Variants in DGKK observed in about 807,000 individuals in gnomAD.
DGKK encodes the protein diacylglycerol kinase kappa.
In DGKK, 35 loss-of-function variants were observed where a neutral mutation model predicts 92.2. That is an observed-to-expected ratio of 0.38 (90% CI 0.29 to 0.50). The LOEUF is 0.50. Ranked by LOEUF, DGKK falls within the 20% of genes least tolerant of loss-of-function variation. DGKK has a pLI of 0.92. For synonymous variants in DGKK, 368 were observed against 360.6 expected, an observed-to-expected ratio of 1.02 and a Z score of -0.23; for missense variants, 910 against 992.2, an observed-to-expected ratio of 0.92 and a Z score of 1.11.
intron 1 of DGKK, among the ~76,000 whole-genome samples, chrX:50,428,994 G>A (rs1569544832): frequency 8.9e-6 from 1 of 111,844 alleles, no homozygotes; most frequent in Non-Finnish European, 1.9e-5. Flanking sequence ...CTACTAAACT[G>A]AACAAGGTCC....
chrX:50,391,159 C>A (rs185273222), intron 11 of DGKK, among the ~76,000 whole-genome samples: 1 of 110,674 alleles, frequency 9.0e-6, no homozygotes, highest in East Asian at 2.9e-4. Flanking sequence ...ATTCTGTTGC[C>A]CAGACTGGAA....
intron 8 of DGKK, among the ~76,000 whole-genome samples, chrX:50,399,152 A>T (rs1924930165): frequency 8.9e-6 from 1 of 111,794 alleles, no homozygotes; most frequent in Admixed American, 9.5e-5. Flanking sequence ...GCCTGCAGAA[A>T]CCTGTATGAA....
In DGKK at chrX:50,424,216, A is replaced by G. The variant is rs782408241; in HGVS notation, c.756+32T>C. The G allele has an allele frequency of 1.9e-4, 227 of 1,169,980 alleles. 4 individuals carry two copies. The South Asian group carries it at 4.2e-3, about 21-fold the overall frequency. ...CACAAAGGTTTCCTGGCACCCACCCATTAATCTAGTTGACAATATGCTATA... is the reference window on the plus strand; with the variant it reads ...CACAAAGGTTTCCTGGCACCCACCCGTTAATCTAGTTGACAATATGCTATA... On this transcript the variant is annotated intron_variant, in intron 2 of 27. Transcript: ENST00000611977.
intron 8 of DGKK, among the ~76,000 whole-genome samples, chrX:50,396,045 A>G (rs1924843152): frequency 8.9e-6 from 1 of 112,183 alleles, no homozygotes; most frequent in Non-Finnish European, 1.9e-5. Context: ...TGCAATAGCA[A>G]AAGACTGAAA....
rs1557229020 is a variant in DGKK at position 50,420,499 on chromosome X, T to G, written c.846A>C (p.Thr282=). 10 of 1,207,355 alleles carry G rather than the reference T, an allele frequency of 8.3e-6. No individual in the cohort carries two copies. Among genetic ancestry groups the G allele is most frequent in the Non-Finnish European group, 7.8e-6 (7 of 893,709 alleles). ...CAGCCAGAGTGATTTTTCGTTGTGG[T>G]GTAATAACCTAAACAAAAAGCCACA... ...RNLCHSFCVI[T]PQRKITLAAP... Residue 282 remains threonine, a synonymous_variant, in exon 4 of 28, where the codon ACA becomes ACC. Coordinates refer to ENST00000611977, the MANE Select transcript of DGKK (RefSeq NM_001013742.4).
intron 18 of DGKK, among the ~76,000 whole-genome samples, chrX:50,381,476 T>TA (rs1269869249): frequency 9.1e-6 from 1 of 109,876 alleles, no homozygotes; most frequent in Admixed American, 9.7e-5. Context: ...TCCAAGAAAA[T>TA]AAAAAAAATA....
chrX:50,452,076 T>C (rs1484591244), intron 1 of DGKK, among the ~76,000 whole-genome samples: 2 of 111,916 alleles, frequency 1.8e-5, no homozygotes, highest in African/African-American at 6.5e-5. Context: ...CATTTGATCC[T>C]TAGAAAAACC....
intron 14 of DGKK, among the ~76,000 whole-genome samples, chrX:50,386,928 T>G (rs782449731): frequency 9.0e-6 from 1 of 111,515 alleles, no homozygotes; most frequent in African/African-American, 3.3e-5. Flanking sequence ...ATTTCTGGAT[T>G]TTCATGGGCA....
chrX:50,443,864 C>A (rs1264529433), intron 1 of DGKK, among the ~76,000 whole-genome samples: 1 of 110,336 alleles, frequency 9.1e-6, no homozygotes, highest in Admixed American at 9.7e-5. Context: ...CTCCTTCTGC[C>A]CCCTCCCATC....
intron 12 of DGKK, 44 bp downstream of exon 12, chrX:50,390,284 A>G: frequency 8.7e-7 from 1 of 1,143,722 alleles, no homozygotes; most frequent in Non-Finnish European, 1.2e-6. Context: ...TATTTCACTG[A>G]GTAATAAAGA....
chrX:50,377,907 C>T (rs782594772), intron 22 of DGKK, among the ~76,000 whole-genome samples, 191 bp downstream of exon 22: 17 of 111,128 alleles, frequency 1.5e-4, no homozygotes, highest in Non-Finnish European at 2.6e-4. Flanking sequence ...GGGAACTATG[C>T]AACCCTATGT....
chrX:50,396,840 C>T (rs1557226166), intron 8 of DGKK, among the ~76,000 whole-genome samples: 1 of 112,194 alleles, frequency 8.9e-6, no homozygotes, highest in Admixed American at 9.4e-5. Flanking sequence ...CACAAGATTG[C>T]TTTTGAATAG....
rs1557223053 is a variant in DGKK at position 50,370,565 on chromosome X, A to G, written c.3613-16T>C. 8.4e-7 allele frequency: 1 copy of G among 1,190,014 alleles called. No individual in the cohort carries two copies. Among genetic ancestry groups the G allele is most frequent in the East Asian group, 3.0e-5 (1 of 33,218 alleles). ...AAGATTTTTCCTGAGAAACCACAAG[A>G]GGAAGGTCAAAATGTTAGTTGCCTA... On this transcript the variant is annotated splice_polypyrimidine_tract_variant and intron_variant, in intron 26 of 27. Transcript: ENST00000611977.
At chrX:50,457,116 A>C (rs2050817078) in intron 1 of DGKK, among the ~76,000 whole-genome samples, 2 of 112,006 alleles carry the variant, frequency 1.8e-5, no homozygotes, top group African/African-American at 6.5e-5. Context: ...CCACGGAGCA[A>C]AGATTTTTGT....
In DGKK at chrX:50,391,789, C is replaced by T. The variant is rs185029996; in HGVS notation, c.1705-213G>A. Among the ~76,000 whole-genome samples, 16 of 111,943 alleles carry T rather than the reference C, an allele frequency of 1.4e-4. No homozygotes were observed. The East Asian group carries it at 4.5e-3, about 32-fold the overall frequency. On this transcript the variant is annotated intron_variant, in intron 10 of 27. Coordinates refer to ENST00000611977, the MANE Select transcript of DGKK (RefSeq NM_001013742.4). The stretch of plus-strand genomic sequence containing the variant: ...GACCCCAGTGTTAACAACACAGAAC[C>T]TACTAAGTAAAGGGAAAAGTTGCCG...
chrX:50,408,559 A>T (rs1557227536), intron 4 of DGKK, among the ~76,000 whole-genome samples: 2 of 107,112 alleles, frequency 1.9e-5, no homozygotes, highest in African/African-American at 3.4e-5. Context: ...TTTTTTTTGT[A>T]TTTTTAGTAG....
intron 1 of DGKK, among the ~76,000 whole-genome samples, chrX:50,469,537 A>G (rs1557234286): frequency 1.8e-5 from 2 of 112,050 alleles, no homozygotes; most frequent in Non-Finnish European, 3.8e-5. Flanking sequence ...CGCCCAGCTG[A>G]GGCGCCCCCT....
chrX:50,450,497 A>G (rs1325072885), intron 1 of DGKK, among the ~76,000 whole-genome samples: 1 of 112,078 alleles, frequency 8.9e-6, no homozygotes, highest in Admixed American at 9.4e-5. Flanking sequence ...AGGATGACAC[A>G]TAAGCTAGGT....
At chrX:50,403,657 C>G in intron 5 of DGKK, 60 bp from the exon 6 acceptor site, 2 of 975,800 alleles carry the variant, frequency 2.0e-6, no homozygotes, top group South Asian at 1.9e-5. Flanking sequence ...GATTCTAATT[C>G]TCTTCCCAAA....
Sources: allele counts gnomAD v4.1 joint callset (sites outside exome capture counted in the v4.1 genomes callset), GRCh38; gene constraint gnomAD v4.1.1; transcripts MANE v1.5; gene names NCBI Gene and HGNC (gene_info 2026-07-23, HGNC 2026-07-21).